STXBP4: variants seen among roughly 807,000 people sequenced by gnomAD.
The protein encoded by STXBP4 is syntaxin binding protein 4.
Under a neutral mutation model 76.1 loss-of-function variants are expected in STXBP4, and 55 were observed. The observed-to-expected ratio is 0.72, with a 90% confidence interval of 0.58 to 0.91. The LOEUF (loss-of-function observed/expected upper bound fraction) is 0.91. STXBP4 is among the 40% of genes least tolerant of loss of function. The probability of loss-of-function intolerance (pLI) is 0.00; values close to 1 mark genes in which losing one functional copy is unlikely to be tolerated. For missense variants in STXBP4, 618 were observed against 636.9 expected, an observed-to-expected ratio of 0.97 and a Z score of 0.32; for synonymous variants, 201 against 220.2, an observed-to-expected ratio of 0.91 and a Z score of 0.77.
At chr17:55,032,128 C>G (rs762040444) in intron 9 of STXBP4, among the ~76,000 whole-genome samples, 35 of 152,026 alleles carry the variant, frequency 2.3e-4, no homozygotes, top group Non-Finnish European at 3.5e-4. Flanking sequence ...CACATATATT[C>G]GTTCCACCAC....
At chr17:54,993,137 G>A (rs2077745223) in intron 4 of STXBP4, among the ~76,000 whole-genome samples, 1 of 152,184 alleles carries the variant, frequency 6.6e-6, no homozygotes, top group African/African-American at 2.4e-5. Context: ...GTCAGTGATA[G>A]CAGATTAAGA....
intron 17 of STXBP4, among the ~76,000 whole-genome samples, chr17:55,146,797 C>T (rs925907139): frequency 3.9e-5 from 6 of 152,102 alleles, no homozygotes; most frequent in Admixed American, 1.3e-4. Context: ...AGGTTATTGG[C>T]AGGAGGCTTC....
chr17:54,999,194 A>C, intron 4 of STXBP4, 151 bp from the exon 5 acceptor site: 2 of 582,672 alleles, frequency 3.4e-6, no homozygotes, highest in Non-Finnish European at 6.0e-6. Context: ...ACTTTAATCA[A>C]GAGATTTTGC....
intron 8 of STXBP4, among the ~76,000 whole-genome samples, chr17:55,024,556 A>G (rs2078378861): frequency 6.6e-6 from 1 of 152,200 alleles, no homozygotes; most frequent in South Asian, 2.1e-4. Flanking sequence ...GATATGTAAC[A>G]TTAGCAAGGA....
the STXBP4 span, among the ~76,000 whole-genome samples, chr17:55,184,853 A>T: frequency 6.6e-6 from 1 of 152,118 alleles, no homozygotes; most frequent in Non-Finnish European, 1.5e-5. Context: ...GATTTTGGTG[A>T]TACTTTGGTT....
At chr17:55,138,970 C>T (rs751649847) in intron 16 of STXBP4, among the ~76,000 whole-genome samples, 4 of 151,970 alleles carry the variant, frequency 2.6e-5, no homozygotes, top group Non-Finnish European at 5.9e-5. Context: ...ATGAAATCTG[C>T]ATGAACTGTA....
At chr17:54,995,035 A>G (rs183310824) in intron 4 of STXBP4, among the ~76,000 whole-genome samples, 1 of 152,108 alleles carries the variant, frequency 6.6e-6, no homozygotes, top group Admixed American at 6.5e-5. Context: ...ATTTATATTT[A>G]TGATTGTTTA....
At chr17:55,049,724 G>A (rs906485012) in intron 12 of STXBP4, among the ~76,000 whole-genome samples, 2 of 151,694 alleles carry the variant, frequency 1.3e-5, no homozygotes, top group African/African-American at 4.8e-5. Context: ...AAACATAATG[G>A]TTATCTTAAT....
chr17:55,037,840 T>C (rs957787447), intron 10 of STXBP4, among the ~76,000 whole-genome samples: 2 of 152,188 alleles, frequency 1.3e-5, no homozygotes, highest in Non-Finnish European at 2.9e-5. Flanking sequence ...TAATGGGTGA[T>C]GTAACAGTCT....
chr17:55,129,251 C>G (rs2079948425), intron 16 of STXBP4, among the ~76,000 whole-genome samples: 1 of 151,984 alleles, frequency 6.6e-6, no homozygotes, highest in Non-Finnish European at 1.5e-5. Flanking sequence ...TCTCTCTGCT[C>G]TCTCTTCTTA....
At chr17:55,008,900 C>G (rs945044108) in intron 8 of STXBP4, among the ~76,000 whole-genome samples, 1 of 152,190 alleles carries the variant, frequency 6.6e-6, no homozygotes, top group African/African-American at 2.4e-5. Context: ...AAGTGCCATA[C>G]TTTGAGGCAG....
the STXBP4 span, among the ~76,000 whole-genome samples, chr17:55,195,476 T>G: frequency 1.3e-5 from 2 of 152,234 alleles, no homozygotes; most frequent in African/African-American, 4.8e-5. Flanking sequence ...GAGACAGGTC[T>G]CACTCTGTTA....
chr17:55,029,326 C>A (rs950931496), intron 8 of STXBP4, among the ~76,000 whole-genome samples: 12 of 151,964 alleles, frequency 7.9e-5, no homozygotes, highest in South Asian at 2.1e-4. Flanking sequence ...TAGTAAATGT[C>A]ATTAAATTAA....
chr17:55,179,555 G>A, the STXBP4 span, among the ~76,000 whole-genome samples: 1 of 152,100 alleles, frequency 6.6e-6, no homozygotes, highest in African/African-American at 2.4e-5. Context: ...TGAACTGCAT[G>A]GGTCCACATA....
intron 1 of STXBP4, among the ~76,000 whole-genome samples, chr17:54,977,340 A>G (rs1383027681): frequency 5.9e-5 from 9 of 152,234 alleles, no homozygotes; most frequent in African/African-American, 2.2e-4. Context: ...CATTAGGCCT[A>G]CAATGGCTGT....
At chr17:55,139,759 A>G (rs1037157112) in intron 16 of STXBP4, among the ~76,000 whole-genome samples, 32 of 152,118 alleles carry the variant, frequency 2.1e-4, no homozygotes, top group African/African-American at 7.7e-4. Flanking sequence ...CTTATTTTCT[A>G]CTTATAAGAG....
At chr17:55,149,071 T>C (rs1480981707) in intron 17 of STXBP4, among the ~76,000 whole-genome samples, 1 of 152,218 alleles carries the variant, frequency 6.6e-6, no homozygotes, top group East Asian at 1.9e-4. Flanking sequence ...TTATTCTTAA[T>C]GAGGCTACAA....
At position 55,164,819 on chromosome 17, in the gene STXBP4, G is replaced by C. The variant is rs1425271986; in HGVS notation, c.*4908G>C. On this transcript the variant is annotated 3_prime_UTR_variant, in exon 18 of 18. Transcript: ENST00000376352. ...TGTTTGTTATCTTCCTCAATAGTGG[G>C]AGTAATAATGGGAGTCAGCTTCGTG... The C allele has an allele frequency of 6.6e-6, 1 of 152,300 alleles. No homozygotes were observed. The highest frequency in any genetic ancestry group is 1.5e-5 in the Non-Finnish European group (1 of 68,052). The allele number at this position is 152,300 out of a possible 1,614,324, so 9.4% of individuals were successfully genotyped here.
intron 16 of STXBP4, among the ~76,000 whole-genome samples, chr17:55,136,227 G>T (rs2080027349): frequency 6.6e-6 from 1 of 152,058 alleles, no homozygotes; most frequent in African/African-American, 2.4e-5. Context: ...TTTGGAAGCT[G>T]CTATCAGTTT....
Sources: gnomAD v4.1 joint callset for allele counts (sites outside exome capture counted in the v4.1 genomes callset) on GRCh38, gnomAD v4.1.1 for gene constraint, MANE v1.5 for transcripts, NCBI Gene and HGNC (gene_info 2026-07-23, HGNC 2026-07-21) for gene names.